MIB1: variants seen among roughly 807,000 people sequenced by gnomAD.
The protein encoded by MIB1 is E3 ubiquitin-protein ligase MIB1.
In MIB1, 278 loss-of-function variants were observed where a neutral mutation model predicts 124.5. The ratio of observed to expected loss-of-function variants is 2.23; its 90% CI spans 2.02 to 2.47. MIB1 has a LOEUF of 2.47. Among genes scored for constraint, MIB1 ranks in the 30% most tolerant of loss-of-function variants. MIB1 has a pLI of 0.00. For synonymous variants in MIB1, 446 were observed against 429.4 expected, an observed-to-expected ratio of 1.04 and a Z score of -0.48; for missense variants, 957 against 1,254.4, an observed-to-expected ratio of 0.76 and a Z score of 3.58.
intron 10 of MIB1, among the ~76,000 whole-genome samples, chr18:21,806,749 G>A (rs2959511): frequency 0.032 from 4,824 of 151,504 alleles, 285 homozygotes; most frequent in African/African-American, 0.11. Flanking sequence ...TCAGCCTCCC[G>A]AGTAGCTGGG....
intron 12 of MIB1, among the ~76,000 whole-genome samples, chr18:21,835,628 G>A (rs576770181): frequency 8.6e-5 from 13 of 151,686 alleles, no homozygotes; most frequent in East Asian, 3.9e-4. Context: ...AAAATTAGCC[G>A]GGCCTGGTGG....
chr18:21,758,845 T>C (rs1249954788), intron 1 of MIB1, among the ~76,000 whole-genome samples: 1 of 152,168 alleles, frequency 6.6e-6, no homozygotes, highest in Non-Finnish European at 1.5e-5. Context: ...CTTATAAATT[T>C]TTTTTGATGT....
intron 12 of MIB1, among the ~76,000 whole-genome samples, chr18:21,833,230 C>T (rs1568219584): frequency 6.6e-6 from 1 of 152,160 alleles, no homozygotes; most frequent in Non-Finnish European, 1.5e-5. Context: ...CAAAACCATG[C>T]ATCAAATATA....
intron 18 of MIB1, chr18:21,854,517 G>C (rs2042209170): frequency 6.6e-6 from 1 of 152,516 alleles, no homozygotes; most frequent in Admixed American, 6.6e-5. Context: ...ATAATTATTA[G>C]TTGTTCACAC....
At chr18:21,706,976 C>A (rs1386866291) in intron 1 of MIB1, among the ~76,000 whole-genome samples, 1 of 152,208 alleles carries the variant, frequency 6.6e-6, no homozygotes, top group East Asian at 1.9e-4. Flanking sequence ...CAGCTGGGCT[C>A]CTGAGTCTAG....
chr18:21,729,092 T>C (rs1036328589), intron 1 of MIB1, among the ~76,000 whole-genome samples: 1 of 152,212 alleles, frequency 6.6e-6, no homozygotes, highest in Non-Finnish European at 1.5e-5. Context: ...GCAGAGGTGA[T>C]CTCCTCTTTA....
At chr18:21,848,254 A>C (rs1248225087) in intron 16 of MIB1, among the ~76,000 whole-genome samples, 1 of 152,144 alleles carries the variant, frequency 6.6e-6, no homozygotes, top group Admixed American at 6.5e-5. Context: ...TCAGGAGTTC[A>C]AGACCAGCCT....
chr18:21,769,610 C>T (rs1373409721), intron 3 of MIB1, among the ~76,000 whole-genome samples: 1 of 152,168 alleles, frequency 6.6e-6, no homozygotes, highest in African/African-American at 2.4e-5. Flanking sequence ...TCTTACTTAG[C>T]TTACTGTCTC....
chr18:21,771,833 TA>T (rs1197315747), intron 3 of MIB1, among the ~76,000 whole-genome samples: 11 of 142,592 alleles, frequency 7.7e-5, no homozygotes, highest in Non-Finnish European at 1.1e-4. Flanking sequence ...CATCTCTACT[TA>T]AAAAAAAAAA....
chr18:21,859,962 A>G lies in MIB1; in HGVS notation c.2880+1316A>G, dbSNP rs1462200793. Among the ~76,000 whole-genome samples, 6 of 151,036 alleles carry G rather than the reference A, an allele frequency of 4.0e-5. No homozygotes were observed. The South Asian group carries it at 8.3e-4, about 21-fold the overall frequency. ...CACCATAAAGAAAAGCAGGGGAAACATAATGCAAAATTCACAATAGTAGTC... is the reference window on the plus strand; with the variant it reads ...CACCATAAAGAAAAGCAGGGGAAACGTAATGCAAAATTCACAATAGTAGTC... On this transcript the variant is annotated intron_variant, in intron 20 of 20. Transcript: ENST00000261537.
intron 7 of MIB1, 35 bp from the exon 8 acceptor site, chr18:21,798,049 A>G (rs1360398733): frequency 6.2e-7 from 1 of 1,607,692 alleles, no homozygotes; most frequent in East Asian, 2.2e-5. Context: ...TATATACTTT[A>G]GACTTGGAAA....
chr18:21,772,683 A>T (rs773316805), intron 3 of MIB1, among the ~76,000 whole-genome samples: 1 of 152,088 alleles, frequency 6.6e-6, no homozygotes, highest in Non-Finnish European at 1.5e-5. Flanking sequence ...CAGTATATAT[A>T]TATATTTTTT....
chr18:21,763,679 C>T lies in MIB1; in HGVS notation c.230-2093C>T, dbSNP rs375577017. 3.3e-5 allele frequency among the ~76,000 whole-genome samples: 5 copies of T among 152,000 alleles called. No individual in the cohort carries two copies. In the East Asian group the frequency reaches 9.6e-4, roughly 29 times the overall value. On this transcript the variant is annotated intron_variant, in intron 1 of 20. Coordinates refer to ENST00000261537, the MANE Select transcript of MIB1 (RefSeq NM_020774.4). ...ATATTTCTAATACTTAACCTGTTTC[C>T]TCTTGAATGATCTCGTTTAGACTTT...
intron 6 of MIB1, among the ~76,000 whole-genome samples, chr18:21,790,900 A>G (rs949260734): frequency 4.6e-5 from 7 of 152,208 alleles, no homozygotes; most frequent in African/African-American, 1.7e-4. Flanking sequence ...CCAAATTTGT[A>G]TATTAAAATT....
Position 21,847,037 on chromosome 18 carries a change from C to T in MIB1, c.2305C>T (p.Arg769Ter), listed in dbSNP as rs752243957. 56 of 1,613,974 alleles carry T rather than the reference C, an allele frequency of 3.5e-5. No homozygotes were observed. Among genetic ancestry groups the T allele is most frequent in the Middle Eastern group, 1.6e-4 (1 of 6,084 alleles). Residue 769 changes from arginine (R) to a stop codon, truncating the protein, a stop_gained, in exon 16 of 21, where the codon CGA becomes TGA. Coordinates refer to ENST00000261537, the MANE Select transcript of MIB1 (RefSeq NM_020774.4). LOFTEE classifies it high-confidence loss of function. ...AGCCAATGGTGCTGACCTGAGCATT[C>T]GAAATAAGAAGGGTCAATCGCCACT... ...LAANGADLSI[R>*]NKKGQSPLDL...
chr18:21,790,323 A>G (rs185270120), intron 6 of MIB1, among the ~76,000 whole-genome samples: 3 of 152,356 alleles, frequency 2.0e-5, no homozygotes, highest in Admixed American at 6.5e-5. Flanking sequence ...AGTACTGTAC[A>G]TATTGGTGAC....
At chr18:21,827,647 G>C (rs1419548745) in intron 12 of MIB1, 2 of 152,014 alleles carry the variant, frequency 1.3e-5, no homozygotes, top group Non-Finnish European at 2.9e-5. Flanking sequence ...ATGCTTATGT[G>C]AGTTAAGCTT....
intron 1 of MIB1, among the ~76,000 whole-genome samples, chr18:21,706,869 G>A (rs1020750398): frequency 4.6e-5 from 7 of 152,222 alleles, no homozygotes; most frequent in African/African-American, 1.2e-4. Context: ...CTGCCAAGCC[G>A]GGTTCCATCC....
At chr18:21,727,918 A>G (rs1286546484) in intron 1 of MIB1, among the ~76,000 whole-genome samples, 1 of 152,200 alleles carries the variant, frequency 6.6e-6, no homozygotes, top group Non-Finnish European at 1.5e-5. Flanking sequence ...CTCAGGTTAG[A>G]CTAAAGCCAT....
Sources: gnomAD v4.1 joint callset for allele counts (sites outside exome capture counted in the v4.1 genomes callset) on GRCh38, gnomAD v4.1.1 for gene constraint, MANE v1.5 for transcripts, NCBI Gene and HGNC (gene_info 2026-07-23, HGNC 2026-07-21) for gene names.